CHM: variants seen among roughly 807,000 people sequenced by gnomAD.
CHM encodes the protein CHM Rab escort protein, also known as rab proteins geranylgeranyltransferase component A 1.
In CHM, 10 loss-of-function variants were observed where a neutral mutation model predicts 49.0. The ratio of observed to expected loss-of-function variants is 0.20; its 90% CI spans 0.13 to 0.35. The LOEUF (loss-of-function observed/expected upper bound fraction) is 0.35, where lower values mean the gene tolerates loss of function less well. Among genes scored for constraint, CHM ranks in the 10% least tolerant of loss-of-function variants. The pLI, the probability that CHM is intolerant of heterozygous loss-of-function variation, is 1.00. For synonymous variants in CHM, 184 were observed against 167.5 expected (o/e 1.10, Z -0.76); for missense variants, 455 against 478.4 (o/e 0.95, Z 0.46).
At chrX:86,033,352 CTT>C (rs1278557820) in intron 1 of CHM, among the ~76,000 whole-genome samples, 2 of 112,265 alleles carry the variant, frequency 1.8e-5, no homozygotes, top group Admixed American at 1.9e-4. Flanking sequence ...ATAAATCACT[CTT>C]TATTTTATAG....
Position 85,955,833 on chromosome X carries a change from G to GA in CHM, c.1166+319dup, listed in dbSNP as rs764687660. On this transcript the variant is annotated intron_variant, in intron 8 of 14. Coordinates refer to ENST00000357749, the MANE Select transcript of CHM (RefSeq NM_000390.4). The stretch of plus-strand genomic sequence containing the variant: ...TCATCAACAGAAAAATGAAAAAATA[G>GA]ATTGTGGTGTATTCACAATAACATA... Among the ~76,000 whole-genome samples the GA allele has an allele frequency of 3.4e-3, 378 of 111,789 alleles. 2 individuals are homozygous for GA. The highest frequency in any genetic ancestry group is 0.014 in the Middle Eastern group (3 of 216).
chrX:85,988,250 C>T (rs1932016049), intron 2 of CHM, among the ~76,000 whole-genome samples: 1 of 112,053 alleles, frequency 8.9e-6, no homozygotes, highest in African/African-American at 3.2e-5. Context: ...GAACTGAAGA[C>T]AAAAACCATG....
intron 13 of CHM, 24 bp downstream of exon 13, chrX:85,878,941 T>C (rs748242504): frequency 5.9e-6 from 6 of 1,023,729 alleles, no homozygotes; most frequent in Non-Finnish European, 8.2e-6. Flanking sequence ...CTTTCCATCA[T>C]GAGTTATCAA....
chrX:85,868,397 G>A lies in CHM; in HGVS notation c.1771-3576C>T, dbSNP rs991940860. Among the ~76,000 whole-genome samples the A allele has an allele frequency of 1.2e-4, 13 of 110,481 alleles. No individual in the cohort carries two copies. The East Asian group carries it at 3.1e-3, about 27-fold the overall frequency. Reference sequence around the variant, plus strand: ...GATGCCTGTCTTTGCTCTCCATCCCGGAGACTCACCATACTCCTTTGCTAG... The same window carrying A: ...GATGCCTGTCTTTGCTCTCCATCCCAGAGACTCACCATACTCCTTTGCTAG... On this transcript the variant is annotated intron_variant, in intron 14 of 14. Coordinates refer to ENST00000357749, the MANE Select transcript of CHM (RefSeq NM_000390.4).
At chrX:85,872,903 T>G in intron 14 of CHM, 149 bp downstream of exon 14, 1 of 454,368 alleles carries the variant, frequency 2.2e-6, no homozygotes. Flanking sequence ...AAAGTAGCTT[T>G]GTAGGTCATA....
chrX:86,045,828 CA>C (rs928513660), intron 1 of CHM, among the ~76,000 whole-genome samples: 21 of 111,776 alleles, frequency 1.9e-4, no homozygotes, highest in African/African-American at 6.5e-4. Context: ...AGTTCCTACA[CA>C]AAAAAAGCAA....
chrX:85,946,296 G>C (rs1929404682), intron 8 of CHM, among the ~76,000 whole-genome samples: 1 of 112,560 alleles, frequency 8.9e-6, no homozygotes, highest in African/African-American at 3.2e-5. Flanking sequence ...AGTACTAACA[G>C]CCAAGACAAT....
intron 2 of CHM, 142 bp downstream of exon 2, chrX:86,027,349 A>G (rs1346300438): frequency 9.6e-6 from 5 of 518,233 alleles, no homozygotes; most frequent in Non-Finnish European, 1.4e-5. Flanking sequence ...AAATTAAACA[A>G]CTCCGATCTT....
Position 85,958,976 on chromosome X carries a change from A to T in CHM, c.704T>A (p.Leu235Gln), listed in dbSNP as rs766456464. The change falls in exon 6 of 15, where the codon CTG (leucine) becomes CAG (glutamine). Residue 235 changes from leucine to glutamine, a missense_variant and splice_region_variant. Transcript: ENST00000357749. ...AATTAGTAATCCTCGAGAATACAGC[A>T]GCTGTACAAAGAAAATATTTTACAA... ...RRFNIDLVSKLLYSRGLLIDL... is the reference protein window; with the variant it reads ...RRFNIDLVSKQLYSRGLLIDL... 1 of 1,208,161 alleles carries T rather than the reference A, an allele frequency of 8.3e-7. No individual in the cohort carries two copies. The highest frequency in any genetic ancestry group is 1.8e-5 in the South Asian group (1 of 56,586).
At chrX:85,878,255 G>C (rs916667889) in intron 13 of CHM, among the ~76,000 whole-genome samples, 1 of 111,478 alleles carries the variant, frequency 9.0e-6, no homozygotes, top group Non-Finnish European at 1.9e-5. Flanking sequence ...GGAGGTGGGC[G>C]GATCACCTGA....
intron 12 of CHM, among the ~76,000 whole-genome samples, chrX:85,880,604 TA>T (rs1200495968): frequency 1.8e-5 from 2 of 111,728 alleles, no homozygotes; most frequent in Admixed American, 9.6e-5. Flanking sequence ...TTGGTTCTGT[TA>T]AACAGGACAT....
intron 8 of CHM, among the ~76,000 whole-genome samples, chrX:85,930,247 G>A (rs1438982917): frequency 1.8e-5 from 2 of 111,640 alleles, no homozygotes; most frequent in African/African-American, 3.3e-5. Context: ...ATTCACTAAG[G>A]TACTGGTAGT....
At chrX:85,972,611 C>G (rs1024962754) in intron 4 of CHM, among the ~76,000 whole-genome samples, 1 of 113,139 alleles carries the variant, frequency 8.8e-6, no homozygotes, top group African/African-American at 3.2e-5. Context: ...GTGCTAAGCC[C>G]CTCACTGCCC....
intron 2 of CHM, among the ~76,000 whole-genome samples, chrX:85,993,006 T>G (rs934441692): frequency 8.9e-6 from 1 of 111,867 alleles, no homozygotes; most frequent in African/African-American, 3.2e-5. Flanking sequence ...TGCCCTCAAT[T>G]TTTGTTTCCC....
chrX:85,871,615 T>C (rs190395817), intron 14 of CHM, among the ~76,000 whole-genome samples: 36 of 111,330 alleles, frequency 3.2e-4, no homozygotes, highest in African/African-American at 1.1e-3. Flanking sequence ...TAATAGCATA[T>C]ATTAATTAGT....
intron 2 of CHM, among the ~76,000 whole-genome samples, chrX:85,998,397 T>C (rs926173234): frequency 5.4e-5 from 6 of 111,656 alleles, no homozygotes; most frequent in Non-Finnish European, 1.1e-4. Context: ...TTGGGAGTGG[T>C]ATGTGGGAAG....
At chrX:85,928,411 C>T (rs754392510) in intron 8 of CHM, among the ~76,000 whole-genome samples, 4 of 110,099 alleles carry the variant, frequency 3.6e-5, no homozygotes, top group East Asian at 2.9e-4. Context: ...GGCATGGTGG[C>T]GGGCGCCTGC....
chrX:85,999,741 C>G (rs983281334), intron 2 of CHM, among the ~76,000 whole-genome samples: 3 of 111,866 alleles, frequency 2.7e-5, no homozygotes, highest in African/African-American at 9.8e-5. Flanking sequence ...CTGAAAAAAA[C>G]TAGAGATTTT....
chrX:85,891,933 T>TG (rs1439059721), intron 12 of CHM, among the ~76,000 whole-genome samples: 1 of 112,012 alleles, frequency 8.9e-6, no homozygotes, highest in African/African-American at 3.2e-5. Context: ...ACCCACCTCT[T>TG]GTATCAGTGT....
Sources: gnomAD v4.1 joint callset for allele counts (sites outside exome capture counted in the v4.1 genomes callset) on GRCh38, gnomAD v4.1.1 for gene constraint, MANE v1.5 for transcripts, NCBI Gene and HGNC (gene_info 2026-07-23, HGNC 2026-07-21) for gene names.